SMURF1: variants seen among roughly 807,000 people sequenced by gnomAD.
SMURF1 encodes the protein E3 ubiquitin-protein ligase SMURF1.
Under a neutral mutation model 98.0 loss-of-function variants are expected in SMURF1, and 44 were observed. The ratio of observed to expected loss-of-function variants is 0.45; its 90% CI spans 0.35 to 0.58. The LOEUF (loss-of-function observed/expected upper bound fraction) is 0.58. Among genes scored for constraint, SMURF1 ranks in the 20% least tolerant of loss-of-function variants. The probability of loss-of-function intolerance (pLI) is 0.00; values close to 1 mark genes in which losing one functional copy is unlikely to be tolerated. For missense variants in SMURF1, 687 were observed against 938.4 expected (o/e 0.73, Z 3.50); for synonymous variants, 396 against 374.9 (o/e 1.06, Z -0.65).
chr7:99,052,117 A>G (rs1378553725), intron 7 of SMURF1, 88 bp downstream of exon 7: 19 of 1,464,070 alleles, frequency 1.3e-5, no homozygotes, highest in Non-Finnish European at 1.6e-5. Context: ...CATGGGTGAC[A>G]GCAAGACCTT....
At chr7:99,083,654 T>C (rs1361379063) in intron 1 of SMURF1, among the ~76,000 whole-genome samples, 1 of 152,260 alleles carries the variant, frequency 6.6e-6, no homozygotes. Flanking sequence ...AATTTATTCT[T>C]AATACATTAT....
intron 1 of SMURF1, among the ~76,000 whole-genome samples, chr7:99,102,457 C>G (rs1450331382): frequency 3.9e-5 from 6 of 152,118 alleles, no homozygotes; most frequent in Admixed American, 3.9e-4. Context: ...TGAATTCTAT[C>G]TTAATATAGC....
intron 1 of SMURF1, among the ~76,000 whole-genome samples, chr7:99,086,182 C>G (rs934315322): frequency 6.6e-6 from 1 of 151,916 alleles, no homozygotes; most frequent in African/African-American, 2.4e-5. Flanking sequence ...TCCGTCTCTA[C>G]TAAAAATACA....
At chr7:99,120,705 G>A (rs1400272273) in intron 1 of SMURF1, 4 of 149,674 alleles carry the variant, frequency 2.7e-5, no homozygotes, top group African/African-American at 4.9e-5. Context: ...AGTATTCCAC[G>A]AAACCTCTGA....
intron 3 of SMURF1, among the ~76,000 whole-genome samples, chr7:99,058,141 A>AT (rs1173872961): frequency 6.6e-6 from 1 of 151,338 alleles, no homozygotes; most frequent in Non-Finnish European, 1.5e-5. Context: ...TTATTTTTTT[A>AT]TTTTTTTGAG....
intron 1 of SMURF1, among the ~76,000 whole-genome samples, chr7:99,117,647 G>A (rs940662409): frequency 1.1e-4 from 17 of 149,942 alleles, no homozygotes; most frequent in Admixed American, 3.3e-4. Flanking sequence ...CACTGCACCC[G>A]GCCACAACAA....
chr7:99,061,747 C>G, intron 2 of SMURF1, 52 bp downstream of exon 2: 1 of 1,411,020 alleles, frequency 7.1e-7, no homozygotes. Flanking sequence ...TTTAAAATTT[C>G]AGAAATACAT....
chr7:99,143,178 GA>G (rs1798172825), intron 1 of SMURF1, among the ~76,000 whole-genome samples: 1 of 127,948 alleles, frequency 7.8e-6, no homozygotes, highest in Admixed American at 7.8e-5. Flanking sequence ...GGTGGGGCCA[GA>G]GAGATGGGCG....
chr7:99,067,644 G>T (rs1231941650), intron 1 of SMURF1, among the ~76,000 whole-genome samples: 1 of 152,180 alleles, frequency 6.6e-6, no homozygotes, highest in African/African-American at 2.4e-5. Context: ...CCTGGCAAAA[G>T]ATAGGGTTAC....
chr7:99,091,866 C>T (rs1421372301), intron 1 of SMURF1, among the ~76,000 whole-genome samples: 1 of 152,130 alleles, frequency 6.6e-6, no homozygotes, highest in African/African-American at 2.4e-5. Flanking sequence ...TACTTTTGCA[C>T]CAGCCTAATA....
intron 1 of SMURF1, among the ~76,000 whole-genome samples, chr7:99,095,073 T>TTTTAC (rs1491304312): frequency 1.3e-5 from 2 of 150,962 alleles, no homozygotes; most frequent in East Asian, 3.9e-4. Context: ...GTTTATTTTA[T>TTTTAC]TTTATTTTAT....
Position 99,030,564 on chromosome 7 carries a change from C to T in SMURF1, c.*20G>A, listed in dbSNP as rs1368199278. 2.5e-6 allele frequency: 4 copies of T among 1,610,880 alleles called. No individual in the cohort carries two copies. The highest frequency in any genetic ancestry group is 4.5e-5 in the East Asian group (2 of 44,870). On this transcript the variant is annotated 3_prime_UTR_variant, in exon 18 of 18. Transcript: ENST00000361368. ...TGGTCTGGTGGCCATGAGCTAGACTCTGTTGCCTTTGGTTGCTTTTCACTC... is the reference window on the plus strand; with the variant it reads ...TGGTCTGGTGGCCATGAGCTAGACTTTGTTGCCTTTGGTTGCTTTTCACTC...
At chr7:99,035,984 T>A in intron 15 of SMURF1, 1 of 481,176 alleles carries the variant, frequency 2.1e-6, no homozygotes, top group Non-Finnish European at 3.8e-6. Flanking sequence ...CAAAGCGGGG[T>A]TTTTGCTCTG....
intron 1 of SMURF1, among the ~76,000 whole-genome samples, chr7:99,102,361 T>C (rs1224778181): frequency 6.6e-6 from 1 of 152,362 alleles, no homozygotes; most frequent in South Asian, 2.1e-4. Flanking sequence ...TTATAATGTG[T>C]ATTTTGCCAA....
chr7:99,128,138 G>GTA (rs1797786918), intron 1 of SMURF1, among the ~76,000 whole-genome samples: 1 of 152,082 alleles, frequency 6.6e-6, no homozygotes, highest in Non-Finnish European at 1.5e-5. Flanking sequence ...ATGTACCAGG[G>GTA]TACAGTCTTT....
intron 1 of SMURF1, among the ~76,000 whole-genome samples, chr7:99,115,122 A>G (rs1797408146): frequency 6.6e-6 from 1 of 151,934 alleles, no homozygotes; most frequent in African/African-American, 2.4e-5. Context: ...AGCAGAAGAA[A>G]GGAAATATTA....
At chr7:99,105,929 G>A (rs1228295001) in intron 1 of SMURF1, among the ~76,000 whole-genome samples, 2 of 152,088 alleles carry the variant, frequency 1.3e-5, no homozygotes, top group African/African-American at 4.8e-5. Context: ...CAATCTATTT[G>A]CATTACTTAA....
intron 9 of SMURF1, chr7:99,048,388 C>T (rs942293366): frequency 6.3e-6 from 1 of 159,408 alleles, no homozygotes; most frequent in Admixed American, 5.9e-5. Flanking sequence ...GACTCTCTCT[C>T]TCAAAAAAAA....
At chr7:99,052,510 A>G (rs1197982921) in intron 6 of SMURF1, 64 bp from the exon 7 acceptor site, 43 of 1,455,214 alleles carry the variant, frequency 3.0e-5, no homozygotes, top group Non-Finnish European at 3.5e-5. Context: ...CCAGCGCCTT[A>G]GGGCTAGTGT....
Sources: allele counts gnomAD v4.1 joint callset (sites outside exome capture counted in the v4.1 genomes callset), GRCh38; gene constraint gnomAD v4.1.1; transcripts MANE v1.5; gene names NCBI Gene and HGNC (gene_info 2026-07-23, HGNC 2026-07-21).